ADAMTS2: variants seen among roughly 807,000 people sequenced by gnomAD.
ADAMTS2 encodes ADAM metallopeptidase with thrombospondin type 1 motif 2.
A neutral mutation model predicts 123.0 loss-of-function variants in ADAMTS2; 50 were observed. The observed-to-expected ratio is 0.41, with a 90% CI of 0.32 to 0.51. The LOEUF (loss-of-function observed/expected upper bound fraction) is 0.51, where lower values mean the gene tolerates loss of function less well. Ranked by LOEUF, ADAMTS2 falls within the 20% of genes least tolerant of loss-of-function variation. ADAMTS2 has a pLI of 0.35. For synonymous variants in ADAMTS2, 678 were observed against 695.4 expected, an observed-to-expected ratio of 0.98 and a Z score of 0.39; for missense variants, 1,494 against 1,705.2, an observed-to-expected ratio of 0.88 and a Z score of 2.18.
intron 17 of ADAMTS2, 131 bp downstream of exon 17, chr5:179,127,828 G>T: frequency 7.1e-5 from 78 of 1,102,702 alleles, no homozygotes; most frequent in South Asian, 1.7e-4. Context: ...CTAAGCCCTT[G>T]CCCACCCAGG....
rs143045466 is a variant in ADAMTS2, at chr5:179,118,148, G to C, written c.3178+3513C>G. ...TCTTAGTTTAAAAAAATAAAAATAC[G>C]TCAATGAGTAAATACAAAATTGAAA... On this transcript the variant is annotated intron_variant, in intron 21 of 21. Coordinates refer to ENST00000251582, the MANE Select transcript of ADAMTS2 (RefSeq NM_014244.5). The surrounding 1 kb of genome is among the most constrained non-coding windows in gnomAD (Gnocchi z 4.5). Among the ~76,000 whole-genome samples, 9 of 152,144 alleles carry C rather than the reference G, an allele frequency of 5.9e-5. No homozygotes were observed. The South Asian group carries it at 1.9e-3, about 32-fold the overall frequency.
chr5:179,230,494 T>C (rs992158722), intron 3 of ADAMTS2, among the ~76,000 whole-genome samples: 16 of 150,116 alleles, frequency 1.1e-4, no homozygotes, highest in Non-Finnish European at 2.2e-4. Flanking sequence ...CTTGACGTTA[T>C]GCCCGGGAGG....
At chr5:179,263,797 C>T (rs1261359040) in intron 3 of ADAMTS2, among the ~76,000 whole-genome samples, 1 of 152,274 alleles carries the variant, frequency 6.6e-6, no homozygotes, top group Non-Finnish European at 1.5e-5. Context: ...AGAGAGAAGA[C>T]AGACGCCAGC....
intron 5 of ADAMTS2, among the ~76,000 whole-genome samples, chr5:179,166,027 C>T (rs1763689252): frequency 6.6e-6 from 1 of 152,140 alleles, no homozygotes; most frequent in Admixed American, 6.5e-5. Flanking sequence ...GAGGTGACAT[C>T]GACCACTGCA....
chr5:179,155,700 G>A lies in ADAMTS2; in HGVS notation c.1133-781C>T, dbSNP rs1272690456. Among the ~76,000 whole-genome samples, 2 of 152,196 alleles carry A rather than the reference G, an allele frequency of 1.3e-5. No homozygotes were observed. The highest frequency in any genetic ancestry group is 2.9e-5 in the Non-Finnish European group (2 of 68,036). On this transcript the variant is annotated intron_variant, in intron 6 of 21. Transcript: ENST00000251582. The surrounding 1 kb of genome is among the most constrained non-coding windows in gnomAD (Gnocchi z 5.1). ...CTTCCCCAGCTCCTGTCTCAGCAGA[G>A]GGAGGCGGCTTGGAAAGATAGGGAA...
At chr5:179,318,455 GC>G (rs1757063735) in intron 2 of ADAMTS2, among the ~76,000 whole-genome samples, 1 of 152,058 alleles carries the variant, frequency 6.6e-6, no homozygotes, top group African/African-American at 2.4e-5. Context: ...GGCCACAGCT[GC>G]CCTGCCAGGA....
intron 2 of ADAMTS2, among the ~76,000 whole-genome samples, chr5:179,299,560 C>CACACACACACACACACA (rs1756454576): frequency 6.7e-6 from 1 of 149,582 alleles, no homozygotes; most frequent in South Asian, 2.1e-4. Flanking sequence ...CACACACACA[C>CACACACACACACACACA]ATTTATTATC....
At chr5:179,302,272 T>TA (rs1401950196) in intron 2 of ADAMTS2, among the ~76,000 whole-genome samples, 3 of 147,646 alleles carry the variant, frequency 2.0e-5, no homozygotes, top group Non-Finnish European at 3.0e-5. Context: ...CCATCCTGGC[T>TA]AACACAGTGA....
chr5:179,290,937 C>T (rs1265900026), intron 2 of ADAMTS2, among the ~76,000 whole-genome samples: 1 of 152,224 alleles, frequency 6.6e-6, no homozygotes, highest in Non-Finnish European at 1.5e-5. Context: ...GCCTGAGCCA[C>T]CCTGTGGGCC....
chr5:179,130,222 G>T lies in ADAMTS2; in HGVS notation c.2291-124C>A, dbSNP rs1398263830. 5 of 1,252,536 alleles carry T rather than the reference G, an allele frequency of 4.0e-6. No homozygotes were observed. The Admixed American group carries it at 5.8e-5, about 15-fold the overall frequency. The allele number at this position is 1,252,536 out of a possible 1,614,324, so 77.6% of individuals were successfully genotyped here. A position where few individuals can be genotyped will look rare whatever the true frequency, so the allele number is the denominator to read the frequency against. On this transcript the variant is annotated intron_variant, in intron 15 of 21. Coordinates refer to ENST00000251582, the MANE Select transcript of ADAMTS2 (RefSeq NM_014244.5). This position sits in a 1 kb window ranked among gnomAD's most constrained non-coding sequence, Gnocchi z 4.3. ...ACCCCTTGTCTCTCTGGCTGCCCCC[G>T]GCCAGTTTCCTCTGTGCCACGACAG... is the stretch of plus-strand genomic sequence containing the variant.
At chr5:179,204,610 G>T (rs1413774518) in intron 4 of ADAMTS2, among the ~76,000 whole-genome samples, 2 of 152,166 alleles carry the variant, frequency 1.3e-5, no homozygotes, top group Admixed American at 6.5e-5. Context: ...ACCACCAAAG[G>T]GTCCGACATA....
Position 179,213,399 on chromosome 5 carries a change from TG to T in ADAMTS2, c.689-5685del, listed in dbSNP as rs142160828. 6.1e-3 allele frequency among the ~76,000 whole-genome samples: 925 copies of T among 152,268 alleles called. 5 individuals are homozygous for T. Among genetic ancestry groups the T allele is most frequent in the South Asian group, 0.018 (89 of 4,822 alleles). Reference sequence around the variant, plus strand: ...ACTTTCCCTCTCAGATAGAGAACCCTGGGGGATGGAGACCATGGGGTCTGGT... The same window carrying T: ...ACTTTCCCTCTCAGATAGAGAACCCTGGGGATGGAGACCATGGGGTCTGGT... On this transcript the variant is annotated intron_variant, in intron 3 of 21. Coordinates refer to ENST00000251582, the MANE Select transcript of ADAMTS2 (RefSeq NM_014244.5).
chr5:179,156,904 C>T (rs1763481752), intron 6 of ADAMTS2, among the ~76,000 whole-genome samples: 1 of 142,872 alleles, frequency 7.0e-6, no homozygotes, highest in African/African-American at 2.6e-5. Flanking sequence ...GTAAGGATTT[C>T]TTGTGTTTTG....
chr5:179,265,458 C>T (rs940400927), intron 3 of ADAMTS2, among the ~76,000 whole-genome samples: 5 of 152,194 alleles, frequency 3.3e-5, no homozygotes, highest in African/African-American at 1.2e-4. Context: ...GGGGAGCACA[C>T]CCTGGCACGT....
intron 3 of ADAMTS2, among the ~76,000 whole-genome samples, chr5:179,248,084 T>C (rs569877341): frequency 6.6e-6 from 1 of 152,256 alleles, no homozygotes; most frequent in East Asian, 1.9e-4. Flanking sequence ...AATATTATAA[T>C]AAAGGGTGGG....
rs1364386493 is a variant in ADAMTS2 at position 179,312,252 on chromosome 5, C to T, written c.534+31515G>A. ...GACTGCTGGATTTTCCGGGTGGGCC[C>T]AGGGATAGACAGAATGTTTATATTC... On this transcript the variant is annotated intron_variant, in intron 2 of 21. Transcript: ENST00000251582. The surrounding 1 kb of genome is among the most constrained non-coding windows in gnomAD (Gnocchi z 4.2). Among the ~76,000 whole-genome samples, 1 of 152,112 alleles carries T rather than the reference C, an allele frequency of 6.6e-6. No homozygotes were observed. Among genetic ancestry groups the T allele is most frequent in the African/African-American group, 2.4e-5 (1 of 41,406 alleles).
At chr5:179,138,287 G>A (rs919014999) in intron 11 of ADAMTS2, among the ~76,000 whole-genome samples, 2 of 152,164 alleles carry the variant, frequency 1.3e-5, no homozygotes, top group African/African-American at 2.4e-5. Flanking sequence ...GCTGTGATTG[G>A]GTGTTTAGGT....
At chr5:179,331,000 T>C (rs1017118081) in intron 2 of ADAMTS2, among the ~76,000 whole-genome samples, 4 of 152,112 alleles carry the variant, frequency 2.6e-5, no homozygotes, top group Non-Finnish European at 4.4e-5. Context: ...AGATTTCATC[T>C]GGTGCTCCAG....
chr5:179,176,114 C>G (rs143057789), intron 5 of ADAMTS2, among the ~76,000 whole-genome samples: 31 of 152,320 alleles, frequency 2.0e-4, no homozygotes, highest in African/African-American at 7.0e-4. Context: ...CCTAAGAATT[C>G]GCTGTGCAGA....
Sources: allele counts gnomAD v4.1 joint callset (sites outside exome capture counted in the v4.1 genomes callset), GRCh38; gene constraint gnomAD v4.1.1; non-coding constraint Gnocchi (gnomAD v3.1); transcripts MANE v1.5; gene names NCBI Gene and HGNC (gene_info 2026-07-23, HGNC 2026-07-21).